Variants in CACUL1 observed in about 807,000 individuals in gnomAD.
The protein encoded by CACUL1 is CDK2 associated cullin domain 1.
In CACUL1, 13 loss-of-function variants were observed where a neutral mutation model predicts 45.2. That is an observed-to-expected ratio of 0.29 (90% CI 0.19 to 0.46). The LOEUF (loss-of-function observed/expected upper bound fraction) is 0.46, where lower values mean the gene tolerates loss of function less well. Among genes scored for constraint, CACUL1 ranks in the 20% least tolerant of loss-of-function variants. The pLI is 1.00. For missense variants in CACUL1, 421 were observed against 471.4 expected, an observed-to-expected ratio of 0.89 and a Z score of 0.99; for synonymous variants, 197 against 174.2, an observed-to-expected ratio of 1.13 and a Z score of -1.03.
At chr10:118,743,301 T>C (rs368147818) in intron 1 of CACUL1, among the ~76,000 whole-genome samples, 3 of 151,404 alleles carry the variant, frequency 2.0e-5, no homozygotes, top group Non-Finnish European at 2.9e-5. Flanking sequence ...TGACAAAAAA[T>C]AATGAATAAT....
intron 7 of CACUL1, 31 bp downstream of exon 7, chr10:118,691,234 T>A (rs763404131): frequency 1.1e-5 from 18 of 1,595,038 alleles, no homozygotes; most frequent in Admixed American, 8.6e-5. Flanking sequence ...ATGGACATAT[T>A]TGACCACTAA....
At chr10:118,737,362 G>A (rs879340479) in intron 1 of CACUL1, among the ~76,000 whole-genome samples, 1 of 152,112 alleles carries the variant, frequency 6.6e-6, no homozygotes, top group Non-Finnish European at 1.5e-5. Flanking sequence ...TCATTCCTCA[G>A]TATATTCATT....
chr10:118,737,231 T>G (rs1012468046), intron 1 of CACUL1, among the ~76,000 whole-genome samples: 2 of 152,168 alleles, frequency 1.3e-5, no homozygotes, highest in African/African-American at 4.8e-5. Flanking sequence ...TTAAAGCCTC[T>G]TAAAAGTTGT....
chr10:118,744,061 C>G (rs1369533561), intron 1 of CACUL1, among the ~76,000 whole-genome samples: 1 of 152,140 alleles, frequency 6.6e-6, no homozygotes, highest in Non-Finnish European at 1.5e-5. Context: ...ATTATTATTT[C>G]AAAGAAATCT....
At chr10:118,751,180 C>A (rs1457767693) in intron 1 of CACUL1, among the ~76,000 whole-genome samples, 3 of 152,112 alleles carry the variant, frequency 2.0e-5, no homozygotes, top group Non-Finnish European at 4.4e-5. Flanking sequence ...AGATCATCAT[C>A]CCTTGTTAAT....
chr10:118,696,284 C>A (rs1845321497), intron 5 of CACUL1, among the ~76,000 whole-genome samples: 1 of 152,048 alleles, frequency 6.6e-6, no homozygotes, highest in Non-Finnish European at 1.5e-5. Context: ...CTGTCTTGGG[C>A]CACACATAAA....
Position 118,714,006 on chromosome 10 carries a change from A to G in CACUL1, c.598-6419T>C, listed in dbSNP as rs188375027. Among the ~76,000 whole-genome samples the G allele has an allele frequency of 3.1e-3, 470 of 152,360 alleles. 2 individuals carry two copies. Among genetic ancestry groups the G allele is most frequent in the African/African-American group, 0.011 (448 of 41,586 alleles). ...CTTATTAATTCATTCTAAAATGACA[A>G]TAACAAACTCATCACCATCTTATTT... On this transcript the variant is annotated intron_variant, in intron 3 of 8. Coordinates refer to ENST00000369151, the MANE Select transcript of CACUL1 (RefSeq NM_153810.5).
chr10:118,711,242 G>C (rs955616626), intron 3 of CACUL1, among the ~76,000 whole-genome samples: 1 of 152,166 alleles, frequency 6.6e-6, no homozygotes, highest in African/African-American at 2.4e-5. Flanking sequence ...ACCACACCCA[G>C]CTAATTTTTG....
chr10:118,748,557 T>G (rs1402490256), intron 1 of CACUL1, among the ~76,000 whole-genome samples: 2 of 152,204 alleles, frequency 1.3e-5, no homozygotes, highest in African/African-American at 2.4e-5. Flanking sequence ...TAATACAAGT[T>G]GAGAATCCTA....
chr10:118,731,154 C>A (rs979134816), intron 1 of CACUL1, among the ~76,000 whole-genome samples: 5 of 152,114 alleles, frequency 3.3e-5, no homozygotes, highest in Admixed American at 3.3e-4. Flanking sequence ...AGTTGCTTCA[C>A]GGCACTGAAA....
Position 118,677,180 on chromosome 10 carries a change from T to G in CACUL1, c.*8948A>C, listed in dbSNP as rs1274376138. The G allele has an allele frequency of 6.6e-6, 1 of 152,200 alleles. No individual in the cohort carries two copies. The highest frequency in any genetic ancestry group is 1.5e-5 in the Non-Finnish European group (1 of 68,036). 9.4% of individuals were successfully genotyped at this position (152,200 alleles called of 1,614,324 possible). ...AATTCTAAATTTGAGTTTTCTATTT[T>G]CTAAATTACCTTCCATTGACTTATC... is the stretch of plus-strand genomic sequence containing the variant. On this transcript the variant is annotated 3_prime_UTR_variant, in exon 9 of 9. Coordinates refer to ENST00000369151, the MANE Select transcript of CACUL1 (RefSeq NM_153810.5).
At chr10:118,751,739 G>A (rs1845899969) in intron 1 of CACUL1, among the ~76,000 whole-genome samples, 1 of 152,188 alleles carries the variant, frequency 6.6e-6, no homozygotes, top group African/African-American at 2.4e-5. Flanking sequence ...CAAACCAAAT[G>A]TAATTTTGAC....
intron 3 of CACUL1, among the ~76,000 whole-genome samples, chr10:118,723,434 TATC>T (rs1411123210): frequency 1.3e-5 from 2 of 152,210 alleles, no homozygotes; most frequent in African/African-American, 4.8e-5. Flanking sequence ...TAGAAGACAT[TATC>T]ATTATTATTG....
intron 1 of CACUL1, among the ~76,000 whole-genome samples, chr10:118,731,738 T>C (rs879768053): frequency 1.1e-4 from 16 of 152,206 alleles, no homozygotes; most frequent in Admixed American, 1.3e-4. Context: ...GGAATTTTTA[T>C]GGCAATTAAC....
rs1323038423 is a variant in CACUL1, at chr10:118,684,080, A to AAT, written c.*2046_*2047dup. On this transcript the variant is annotated 3_prime_UTR_variant, in exon 9 of 9. Coordinates refer to ENST00000369151, the MANE Select transcript of CACUL1 (RefSeq NM_153810.5). ...TTATTAATACATACATAGTAAAAAG[A>AAT]ATATATTTCTCCATGAACTTAATAA... 4 of 152,670 alleles carry AAT rather than the reference A, an allele frequency of 2.6e-5. No individual in the cohort carries two copies. Among genetic ancestry groups the AAT allele is most frequent in the African/African-American group, 9.6e-5 (4 of 41,464 alleles). The allele number at this position is 152,670 out of a possible 1,614,324, so 9.5% of individuals were successfully genotyped here.
At position 118,739,888 on chromosome 10, in the gene CACUL1, T is replaced by C. The variant is rs189792490; in HGVS notation, c.368-9478A>G. Among the ~76,000 whole-genome samples the C allele has an allele frequency of 2.6e-5, 4 of 152,374 alleles. No homozygotes were observed. The East Asian group carries it at 7.7e-4, about 29-fold the overall frequency. On this transcript the variant is annotated intron_variant, in intron 1 of 8. Coordinates refer to ENST00000369151, the MANE Select transcript of CACUL1 (RefSeq NM_153810.5). ...GGCTGGGTGCGGTGGCTCATGCCTA[T>C]AATCCCAGCGCTTTGGGAAGCCCAG...
At chr10:118,721,057 AT>A (rs1428608173) in intron 3 of CACUL1, among the ~76,000 whole-genome samples, 4 of 152,244 alleles carry the variant, frequency 2.6e-5, no homozygotes, top group African/African-American at 9.6e-5. Context: ...CTAAAATCTT[AT>A]TCACTTTAGC....
intron 3 of CACUL1, among the ~76,000 whole-genome samples, chr10:118,724,565 A>T (rs1021897898): frequency 1.5e-4 from 23 of 152,350 alleles, no homozygotes; most frequent in South Asian, 2.1e-4. Flanking sequence ...GTGATTAATT[A>T]AGGAAAGCAA....
chr10:118,703,212 C>T (rs566180659), intron 4 of CACUL1, among the ~76,000 whole-genome samples: 2 of 151,950 alleles, frequency 1.3e-5, no homozygotes, highest in South Asian at 4.2e-4. Flanking sequence ...CAATGCAGAC[C>T]TTCTGACCCA....
Sources: gnomAD v4.1 joint callset for allele counts (sites outside exome capture counted in the v4.1 genomes callset) on GRCh38, gnomAD v4.1.1 for gene constraint, MANE v1.5 for transcripts, NCBI Gene and HGNC (gene_info 2026-07-23, HGNC 2026-07-21) for gene names.